The following SPOCK3 variants were observed in gnomAD, a reference collection of about 807,000 sequenced individuals.
The protein encoded by SPOCK3 is SPARC (osteonectin), cwcv and kazal like domains proteoglycan 3, also known as testican-3.
A neutral mutation model predicts 56.6 loss-of-function variants in SPOCK3; 30 were observed. The ratio of observed to expected loss-of-function variants is 0.53; its 90% CI spans 0.40 to 0.72. The LOEUF (loss-of-function observed/expected upper bound fraction) is 0.72, where lower values mean the gene tolerates loss of function less well. Among genes scored for constraint, SPOCK3 ranks in the 30% least tolerant of loss-of-function variants. The pLI is 0.00. For synonymous variants in SPOCK3, 196 were observed against 183.3 expected (o/e 1.07, Z -0.56); for missense variants, 527 against 530.0 (o/e 0.99, Z 0.06).
chr4:167,188,694 ATTGTAC>A (rs1392707940), intron 2 of SPOCK3, among the ~76,000 whole-genome samples: 5 of 146,180 alleles, frequency 3.4e-5, no homozygotes, highest in Non-Finnish European at 6.0e-5. Context: ...TGAAAATATC[ATTGTAC>A]TTGTTAAACA....
chr4:166,815,718 T>C (rs1407653061), intron 6 of SPOCK3, among the ~76,000 whole-genome samples: 1 of 152,066 alleles, frequency 6.6e-6, no homozygotes, highest in Non-Finnish European at 1.5e-5. Context: ...CCGGGTTACA[T>C]GAGCTATGAT....
chr4:167,047,738 T>C (rs1167068914), intron 3 of SPOCK3, among the ~76,000 whole-genome samples: 1 of 152,170 alleles, frequency 6.6e-6, no homozygotes, highest in Non-Finnish European at 1.5e-5. Context: ...ATGAGAAGGC[T>C]AAATGGTGGT....
At chr4:166,980,632 T>C (rs1746474010) in intron 4 of SPOCK3, among the ~76,000 whole-genome samples, 1 of 152,216 alleles carries the variant, frequency 6.6e-6, no homozygotes, top group Non-Finnish European at 1.5e-5. Flanking sequence ...CCGGCCACTG[T>C]GCACAGCTAG....
chr4:166,934,618 AAT>A (rs1740183460), intron 4 of SPOCK3, among the ~76,000 whole-genome samples: 1 of 152,138 alleles, frequency 6.6e-6, no homozygotes, highest in African/African-American at 2.4e-5. Flanking sequence ...TACTTATAAT[AAT>A]CTATGTGATC....
rs578021951 is a variant in SPOCK3, at chr4:166,779,552, A to G, written c.709+12618T>C. On this transcript the variant is annotated intron_variant, in intron 7 of 10. Coordinates refer to ENST00000357545, the MANE Select transcript of SPOCK3 (RefSeq NM_001040159.2). ...AAGGAAAAGGTAAGTAAACATGAAT[A>G]TAGATCAATCAAAATTATCTAATTT... Among the ~76,000 whole-genome samples, 3 of 152,264 alleles carry G rather than the reference A, an allele frequency of 2.0e-5. No individual in the cohort carries two copies. In the South Asian group the frequency reaches 6.2e-4, roughly 31 times the overall value.
chr4:166,881,121 T>C (rs1394442339), intron 6 of SPOCK3, among the ~76,000 whole-genome samples: 1 of 152,106 alleles, frequency 6.6e-6, no homozygotes, highest in Non-Finnish European at 1.5e-5. Flanking sequence ...TTATATAGAA[T>C]AAAATGTAAT....
intron 2 of SPOCK3, among the ~76,000 whole-genome samples, chr4:167,205,484 TATATA>T (rs1229436311): frequency 1.3e-4 from 7 of 53,934 alleles, no homozygotes; most frequent in African/African-American, 4.8e-4. Flanking sequence ...TTATATATAA[TATATA>T]ATATATAATA....
intron 4 of SPOCK3, among the ~76,000 whole-genome samples, chr4:166,991,356 T>TATTTA (rs1215625514): frequency 6.7e-6 from 1 of 149,422 alleles, no homozygotes; most frequent in Non-Finnish European, 1.5e-5. Context: ...TTTATTTATT[T>TATTTA]ATTTATTTAT....
chr4:166,806,004 T>C (rs1460534856), intron 6 of SPOCK3, among the ~76,000 whole-genome samples: 1 of 152,206 alleles, frequency 6.6e-6, no homozygotes, highest in East Asian at 1.9e-4. Flanking sequence ...GAGTTTATAC[T>C]CCATACACTG....
chr4:167,134,682 G>T (rs1482759392), intron 2 of SPOCK3, among the ~76,000 whole-genome samples: 1 of 152,032 alleles, frequency 6.6e-6, no homozygotes, highest in Admixed American at 6.6e-5. Flanking sequence ...GTTATCAAAA[G>T]TATTCAAAGG....
intron 5 of SPOCK3, among the ~76,000 whole-genome samples, chr4:166,894,916 A>G (rs1477118282): frequency 6.6e-6 from 1 of 152,226 alleles, no homozygotes; most frequent in East Asian, 1.9e-4. Flanking sequence ...AGCTCACAAT[A>G]GCCTGCAGTG....
At chr4:167,140,372 C>T (rs913352130) in intron 2 of SPOCK3, among the ~76,000 whole-genome samples, 18 of 151,968 alleles carry the variant, frequency 1.2e-4, no homozygotes, top group East Asian at 3.9e-4. Flanking sequence ...TAGCTTATAC[C>T]TAAACAGTGT....
intron 7 of SPOCK3, among the ~76,000 whole-genome samples, chr4:166,777,659 C>G (rs1328852470): frequency 6.6e-6 from 1 of 152,042 alleles, no homozygotes; most frequent in Non-Finnish European, 1.5e-5. Context: ...ATCACTTGAG[C>G]CCAGGAGTTT....
At chr4:166,923,053 T>C (rs1738676241) in intron 4 of SPOCK3, among the ~76,000 whole-genome samples, 1 of 152,206 alleles carries the variant, frequency 6.6e-6, no homozygotes, top group South Asian at 2.1e-4. Context: ...ATCTCTTGAC[T>C]GAAATCAAGG....
At chr4:167,119,771 A>G (rs1437626549) in intron 2 of SPOCK3, 3 of 1,495,860 alleles carry the variant, frequency 2.0e-6, no homozygotes, top group African/African-American at 2.8e-5. Flanking sequence ...TCACGTTAAC[A>G]TATATTTAAC....
At chr4:167,150,650 T>A (rs1278174166) in intron 2 of SPOCK3, among the ~76,000 whole-genome samples, 1 of 152,158 alleles carries the variant, frequency 6.6e-6, no homozygotes. Context: ...GTGGTATGTG[T>A]GTAATGGGAG....
intron 3 of SPOCK3, among the ~76,000 whole-genome samples, chr4:167,048,405 G>C (rs1753909534): frequency 6.6e-6 from 1 of 151,870 alleles, no homozygotes; most frequent in South Asian, 2.1e-4. Flanking sequence ...TCTAAAATAA[G>C]TGTCGGAAGA....
intron 6 of SPOCK3, among the ~76,000 whole-genome samples, chr4:166,841,061 A>G (rs1054389628): frequency 4.0e-5 from 6 of 151,680 alleles, no homozygotes; most frequent in African/African-American, 1.5e-4. Context: ...TACAGGCGTA[A>G]GCCCCCACGC....
chr4:166,835,238 T>C (rs1746491460), intron 6 of SPOCK3, among the ~76,000 whole-genome samples: 1 of 152,158 alleles, frequency 6.6e-6, no homozygotes, highest in African/African-American at 2.4e-5. Flanking sequence ...AGATTATTTC[T>C]TCCTACAATT....
Sources: gnomAD v4.1 joint callset for allele counts (sites outside exome capture counted in the v4.1 genomes callset) on GRCh38, gnomAD v4.1.1 for gene constraint, MANE v1.5 for transcripts, NCBI Gene and HGNC (gene_info 2026-07-23, HGNC 2026-07-21) for gene names.